TUBA3C: variants seen among roughly 807,000 people sequenced by gnomAD.
TUBA3C encodes the protein tubulin alpha-3C chain.
In TUBA3C, 23 loss-of-function variants were observed where a neutral mutation model predicts 33.4. The ratio of observed to expected loss-of-function variants is 0.69; its 90% CI spans 0.50 to 0.98. The LOEUF is 0.98. Ranked by LOEUF, TUBA3C falls within the 50% of genes least tolerant of loss-of-function variation. TUBA3C has a pLI of 0.00. For synonymous variants in TUBA3C, 269 were observed against 250.4 expected (o/e 1.07, Z -0.70); for missense variants, 402 against 616.0 (o/e 0.65, Z 3.68).
intron 1 of TUBA3C, among the ~76,000 whole-genome samples, chr13:19,181,425 C>A (rs573048998): frequency 6.6e-6 from 1 of 152,112 alleles, no homozygotes; most frequent in Non-Finnish European, 1.5e-5. Flanking sequence ...GACCGGAAAG[C>A]GGGAGCAGCG....
chr13:19,178,503 G>T, intron 2 of TUBA3C, 109 bp from the exon 3 acceptor site: 1 of 1,451,330 alleles, frequency 6.9e-7, no homozygotes, highest in South Asian at 1.4e-5. Context: ...CAAAGTACAT[G>T]ACCTACATGT....
rs1190780294 is a variant in TUBA3C at position 19,174,379 on chromosome 13, C to A, written c.1057-220G>T. ...AAACTCCTGGGCCCAATCGATCCAC[C>A]CACCCCAGCCTCCCAAAGTGCTAGG... On this transcript the variant is annotated intron_variant, in intron 4 of 4. Coordinates refer to ENST00000400113, the MANE Select transcript of TUBA3C (RefSeq NM_006001.3). Among the ~76,000 whole-genome samples, 3 of 152,166 alleles carry A rather than the reference C, an allele frequency of 2.0e-5. No homozygotes were observed. In the East Asian group the frequency reaches 5.8e-4, roughly 30 times the overall value.
At chr13:19,176,897 G>C in intron 4 of TUBA3C, 30 bp downstream of exon 4, 1 of 1,606,680 alleles carries the variant, frequency 6.2e-7, no homozygotes, top group South Asian at 1.1e-5. Flanking sequence ...TTGCTGAAAG[G>C]TACAAGGACT....
At chr13:19,174,785 C>A (rs1427707971) in intron 4 of TUBA3C, among the ~76,000 whole-genome samples, 3 of 152,084 alleles carry the variant, frequency 2.0e-5, no homozygotes, top group African/African-American at 4.8e-5. Context: ...TATGGCAAGA[C>A]CCTGTCTCTA....
chr13:19,177,711 C>G lies in TUBA3C; in HGVS notation c.376-104G>C, dbSNP rs1282521029. The G allele has an allele frequency of 2.9e-6, 4 of 1,381,088 alleles. No individual in the cohort carries two copies. Among genetic ancestry groups the G allele is most frequent in the Non-Finnish European group, 3.9e-6 (4 of 1,026,130 alleles). The allele number at this position is 1,381,088 out of a possible 1,614,324, so 85.6% of individuals were successfully genotyped here. On this transcript the variant is annotated intron_variant, in intron 3 of 4. Transcript: ENST00000400113. The surrounding 1 kb of genome is among the most constrained non-coding windows in gnomAD (Gnocchi z 5.0). ...TGCCTCTGAAGACTTGATATGGATTCCAATCATCCATAATAAACACGCAGT... is the reference window on the plus strand; with the variant it reads ...TGCCTCTGAAGACTTGATATGGATTGCAATCATCCATAATAAACACGCAGT...
Position 19,176,992 on chromosome 13 carries a change from C to A in TUBA3C, c.991G>T (p.Ala331Ser). The change falls in exon 4 of 5, where the codon GCC becomes TCC. Residue 331 changes from alanine to serine, a missense_variant. Transcript: ENST00000400113. ...CGCTTGGTCTTGATGGTGGCGATGGCCGCGTTGACATCTTTCGGGACCACA... is the reference window on the plus strand; with the variant it reads ...CGCTTGGTCTTGATGGTGGCGATGGACGCGTTGACATCTTTCGGGACCACA... ...GDVVPKDVNAAIATIKTKRTI... is the reference protein window; with the variant it reads ...GDVVPKDVNASIATIKTKRTI... 4.3e-6 allele frequency: 7 copies of A among 1,614,086 alleles called. No homozygotes were observed. Among genetic ancestry groups the A allele is most frequent in the Non-Finnish European group, 5.1e-6 (6 of 1,180,030 alleles).
intron 4 of TUBA3C, among the ~76,000 whole-genome samples, chr13:19,175,511 T>C (rs1192148348): frequency 6.6e-6 from 1 of 152,126 alleles, no homozygotes; most frequent in Non-Finnish European, 1.5e-5. Flanking sequence ...ACCGTCTCTG[T>C]TGGGGGAGAC....
At position 19,181,811 on chromosome 13, in the gene TUBA3C, G is replaced by T; in HGVS notation, c.-64C>A. ...TGACCTCAACCGCCGCTGCAGCTGCGCACGCCCAACGACAGCCTCCCGCCG... is the reference window on the plus strand; with the variant it reads ...TGACCTCAACCGCCGCTGCAGCTGCTCACGCCCAACGACAGCCTCCCGCCG... On this transcript the variant is annotated 5_prime_UTR_variant, in exon 1 of 5. Coordinates refer to ENST00000400113, the MANE Select transcript of TUBA3C (RefSeq NM_006001.3). 6.3e-7 allele frequency: 1 copy of T among 1,591,322 alleles called. No individual in the cohort carries two copies.
In TUBA3C at chr13:19,176,996, G is replaced by GT. The variant is rs1565971088; in HGVS notation, c.986dup (p.Asn329LysfsTer24). Reference sequence around the variant, plus strand: ...TGGTCTTGATGGTGGCGATGGCCGCGTTGACATCTTTCGGGACCACATCCC... The same window carrying GT: ...TGGTCTTGATGGTGGCGATGGCCGCGTTTGACATCTTTCGGGACCACATCCC... On this transcript the variant is annotated frameshift_variant, in exon 4 of 5. Coordinates refer to ENST00000400113, the MANE Select transcript of TUBA3C (RefSeq NM_006001.3). LOFTEE classifies it high-confidence loss of function. 6.2e-7 allele frequency: 1 copy of GT among 1,614,078 alleles called. No individual in the cohort carries two copies. The highest frequency in any genetic ancestry group is 2.2e-5 in the East Asian group (1 of 44,866).
chr13:19,179,031 A>G (rs2138957746), intron 2 of TUBA3C, among the ~76,000 whole-genome samples: 1 of 152,300 alleles, frequency 6.6e-6, no homozygotes, highest in African/African-American at 2.4e-5. Flanking sequence ...TTCAGGAGGA[A>G]ACCAATGCCA....
intron 1 of TUBA3C, among the ~76,000 whole-genome samples, chr13:19,180,460 G>C (rs895733334): frequency 1.3e-5 from 2 of 151,982 alleles, no homozygotes; most frequent in African/African-American, 4.8e-5. Flanking sequence ...GCTGAGCTGA[G>C]ATCGCTTGGG....
Position 19,177,939 on chromosome 13 carries a change from C to G in TUBA3C, c.375+307G>C, listed in dbSNP as rs547642158. Reference sequence around the variant, plus strand: ...TCCGCTCAGTGCAACCTCTGCCTCCCGGGCTCAAGCCATTCTCCTGCCTCA... The same window carrying G: ...TCCGCTCAGTGCAACCTCTGCCTCCGGGGCTCAAGCCATTCTCCTGCCTCA... On this transcript the variant is annotated intron_variant, in intron 3 of 4. Coordinates refer to ENST00000400113, the MANE Select transcript of TUBA3C (RefSeq NM_006001.3). This position sits in a 1 kb window ranked among gnomAD's most constrained non-coding sequence, Gnocchi z 5.0. Among the ~76,000 whole-genome samples the G allele has an allele frequency of 3.3e-5, 5 of 151,868 alleles. No individual in the cohort carries two copies. The South Asian group carries it at 1.0e-3, about 32-fold the overall frequency.
intron 1 of TUBA3C, among the ~76,000 whole-genome samples, chr13:19,181,251 A>G (rs1032748649): frequency 3.9e-5 from 6 of 151,932 alleles, no homozygotes; most frequent in Non-Finnish European, 7.4e-5. Flanking sequence ...GGATTTCGCC[A>G]TATTGGCCAG....
rs1869434016 is a variant in TUBA3C at position 19,181,817 on chromosome 13, CCAA to C, written c.-73_-71del. The C allele has an allele frequency of 4.4e-6, 7 of 1,584,140 alleles. No homozygotes were observed. Among genetic ancestry groups the C allele is most frequent in the East Asian group, 2.2e-5 (1 of 44,580 alleles). On this transcript the variant is annotated 5_prime_UTR_variant, in exon 1 of 5. Coordinates refer to ENST00000400113, the MANE Select transcript of TUBA3C (RefSeq NM_006001.3). Reference sequence around the variant, plus strand: ...CAACCGCCGCTGCAGCTGCGCACGCCCAACGACAGCCTCCCGCCGTGCGCTGTC... The same window carrying C: ...CAACCGCCGCTGCAGCTGCGCACGCCCGACAGCCTCCCGCCGTGCGCTGTC...
intron 1 of TUBA3C, among the ~76,000 whole-genome samples, chr13:19,180,379 C>CT (rs36214764): frequency 0.8 from 121,535 of 151,904 alleles, 48,860 homozygotes; most frequent in Non-Finnish European, 0.82. Flanking sequence ...CTGCACTGTC[C>CT]TTGGTGGTTT....
intron 4 of TUBA3C, among the ~76,000 whole-genome samples, chr13:19,174,948 T>C (rs1422680432): frequency 6.6e-6 from 1 of 151,800 alleles, no homozygotes; most frequent in Admixed American, 6.6e-5. Context: ...AGCAAGACCC[T>C]GTCTCAAAAA....
At position 19,177,846 on chromosome 13, in the gene TUBA3C, GTTTTT is replaced by G. The variant is rs5802006; in HGVS notation, c.376-244_376-240del. ...AGGACTCAAGATACTGTTCTAAGTTGTTTTTTTTTTTTTTTTTTTAGATAGAATCT... is the reference window on the plus strand; with the variant it reads ...AGGACTCAAGATACTGTTCTAAGTTGTTTTTTTTTTTTTTAGATAGAATCT... On this transcript the variant is annotated intron_variant, in intron 3 of 4. Transcript: ENST00000400113. The surrounding 1 kb of genome is among the most constrained non-coding windows in gnomAD (Gnocchi z 5.0). Among the ~76,000 whole-genome samples the G allele has an allele frequency of 7.8e-6, 1 of 128,544 alleles. No individual in the cohort carries two copies. The highest frequency in any genetic ancestry group is 1.7e-5 in the Non-Finnish European group (1 of 60,538). 84.3% of individuals were successfully genotyped at this position (128,544 alleles called of 152,430 possible).
intron 4 of TUBA3C, 94 bp downstream of exon 4, chr13:19,176,833 T>C (rs1424499985): frequency 7.1e-7 from 1 of 1,399,518 alleles, no homozygotes; most frequent in African/African-American, 1.4e-5. Context: ...ATAGGGGTAG[T>C]ATCCTCAAAG....
rs1869431078 is a variant in TUBA3C at position 19,181,778 on chromosome 13, C to CTA, written c.-33_-32dup. On this transcript the variant is annotated 5_prime_UTR_variant, in exon 1 of 5. Transcript: ENST00000400113. Reference sequence around the variant, plus strand: ...GCTCCTCCGCTGCCGCAGCCCAACGCTACTACTTGACCTCAACCGCCGCTG... The same window carrying CTA: ...GCTCCTCCGCTGCCGCAGCCCAACGCTATACTACTTGACCTCAACCGCCGCTG... 1.2e-6 allele frequency: 2 copies of CTA among 1,600,946 alleles called. No homozygotes were observed. The highest frequency in any genetic ancestry group is 1.7e-6 in the Non-Finnish European group (2 of 1,178,936).
Sources: gnomAD v4.1 joint callset for allele counts (sites outside exome capture counted in the v4.1 genomes callset) on GRCh38, gnomAD v4.1.1 for gene constraint, Gnocchi (gnomAD v3.1) non-coding constraint, MANE v1.5 for transcripts, NCBI Gene and HGNC (gene_info 2026-07-23, HGNC 2026-07-21) for gene names.